The following LRRTM4 variants were observed in gnomAD, a reference collection of about 807,000 sequenced individuals.
LRRTM4 encodes leucine-rich repeat transmembrane neuronal protein 4.
In LRRTM4, 25 loss-of-function variants were observed where a neutral mutation model predicts 47.6. The observed-to-expected ratio is 0.53, with a 90% CI of 0.38 to 0.73. The LOEUF is 0.73. LRRTM4 is among the 30% of genes least tolerant of loss of function. The pLI is 0.00. For missense variants in LRRTM4, 638 were observed against 713.4 expected (o/e 0.89, Z 1.20); for synonymous variants, 311 against 269.5 (o/e 1.15, Z -1.51).
At chr2:77,408,054 A>C (rs1253980804) in intron 3 of LRRTM4, among the ~76,000 whole-genome samples, 1 of 152,136 alleles carries the variant, frequency 6.6e-6, no homozygotes, top group African/African-American at 2.4e-5. Flanking sequence ...ACACACATAC[A>C]GGAATCTCTA....
At chr2:77,470,783 C>T (rs2103992108) in intron 3 of LRRTM4, among the ~76,000 whole-genome samples, 2 of 152,284 alleles carry the variant, frequency 1.3e-5, no homozygotes, top group East Asian at 3.9e-4. Flanking sequence ...TGGACAACTG[C>T]ACCTTTCCAT....
intron 3 of LRRTM4, among the ~76,000 whole-genome samples, chr2:76,768,830 A>C (rs1673564389): frequency 6.6e-6 from 1 of 152,120 alleles, no homozygotes; most frequent in African/African-American, 2.4e-5. Flanking sequence ...CCTGCATGAA[A>C]CCGGTAAATA....
chr2:77,406,457 C>T (rs1674186643), intron 3 of LRRTM4, among the ~76,000 whole-genome samples: 1 of 151,904 alleles, frequency 6.6e-6, no homozygotes, highest in African/African-American at 2.4e-5. Context: ...GAATAGGTGA[C>T]CCCACTAATT....
intron 3 of LRRTM4, among the ~76,000 whole-genome samples, chr2:76,857,793 T>A (rs1471370141): frequency 6.6e-6 from 1 of 152,172 alleles, no homozygotes; most frequent in Non-Finnish European, 1.5e-5. Context: ...TTCCATAATA[T>A]TATGTTGATC....
intron 3 of LRRTM4, among the ~76,000 whole-genome samples, chr2:76,794,727 T>C (rs1483627027): frequency 6.6e-6 from 1 of 151,926 alleles, no homozygotes; most frequent in Non-Finnish European, 1.5e-5. Flanking sequence ...GGCTAATTCT[T>C]TGCTATGGTG....
chr2:76,916,556 G>C (rs1021579331), intron 3 of LRRTM4, among the ~76,000 whole-genome samples: 1 of 151,924 alleles, frequency 6.6e-6, no homozygotes, highest in Non-Finnish European at 1.5e-5. Flanking sequence ...AAATCAAATA[G>C]GCAATTTGCA....
chr2:77,019,054 C>T (rs1172877253), intron 3 of LRRTM4, among the ~76,000 whole-genome samples: 5 of 151,854 alleles, frequency 3.3e-5, no homozygotes, highest in Admixed American at 2.6e-4. Flanking sequence ...TCAAATCTCA[C>T]ACATTGGAAG....
intron 3 of LRRTM4, among the ~76,000 whole-genome samples, chr2:77,169,736 A>C (rs867457616): frequency 6.6e-6 from 1 of 152,178 alleles, no homozygotes; most frequent in African/African-American, 2.4e-5. Flanking sequence ...CTGGACGTCC[A>C]TCCTCCAAAA....
At chr2:77,134,060 A>G (rs1671870081) in intron 3 of LRRTM4, among the ~76,000 whole-genome samples, 1 of 152,186 alleles carries the variant, frequency 6.6e-6, no homozygotes, top group African/African-American at 2.4e-5. Context: ...TATTACATAT[A>G]AATAACACAA....
At chr2:77,115,880 T>C (rs899156500) in intron 3 of LRRTM4, among the ~76,000 whole-genome samples, 3 of 152,206 alleles carry the variant, frequency 2.0e-5, no homozygotes, top group East Asian at 3.9e-4. Context: ...GAGATCTCTA[T>C]GTAACAATCA....
chr2:77,470,847 A>C (rs1427729618), intron 3 of LRRTM4, among the ~76,000 whole-genome samples: 1 of 152,154 alleles, frequency 6.6e-6, no homozygotes, highest in Non-Finnish European at 1.5e-5. Context: ...TTCAAAAACC[A>C]TAGGAAATTT....
At chr2:76,959,264 T>C (rs562668266) in intron 3 of LRRTM4, among the ~76,000 whole-genome samples, 4 of 151,708 alleles carry the variant, frequency 2.6e-5, no homozygotes, top group African/African-American at 4.8e-5. Context: ...ATATCAATTT[T>C]AAAACAAATG....
intron 3 of LRRTM4, among the ~76,000 whole-genome samples, chr2:76,767,815 C>T (rs1311533950): frequency 1.3e-5 from 2 of 152,052 alleles, no homozygotes; most frequent in African/African-American, 4.8e-5. Flanking sequence ...TTGCAAAATG[C>T]AGGTTTGTCT....
At chr2:77,264,932 G>A (rs549589652) in intron 3 of LRRTM4, among the ~76,000 whole-genome samples, 1 of 152,076 alleles carries the variant, frequency 6.6e-6, no homozygotes, top group South Asian at 2.1e-4. Context: ...TTTTAGTGGA[G>A]TGTTTAGCAG....
chr2:77,354,926 C>T (rs1436902812), intron 3 of LRRTM4, among the ~76,000 whole-genome samples: 2 of 141,836 alleles, frequency 1.4e-5, no homozygotes, highest in Non-Finnish European at 3.1e-5. Flanking sequence ...CCTGTTTCCT[C>T]AATTGGCTTA....
rs768771415 is a variant in LRRTM4 at position 77,521,672 on chromosome 2, C to G, written c.-1G>C. ...AAACAACAAAAGTTCACTTACCCAT[C>G]CTTTGTCATCCAAAAACGTTTCCCC... On this transcript the variant is annotated 5_prime_UTR_variant, in exon 2 of 4. Coordinates refer to ENST00000409884, the MANE Select transcript of LRRTM4 (RefSeq NM_001134745.3). 1.8e-5 allele frequency: 29 copies of G among 1,612,036 alleles called. No homozygotes were observed. Among genetic ancestry groups the G allele is most frequent in the Non-Finnish European group, 2.4e-5 (28 of 1,179,086 alleles).
At chr2:77,117,448 C>G (rs1671417210) in intron 3 of LRRTM4, among the ~76,000 whole-genome samples, 1 of 151,348 alleles carries the variant, frequency 6.6e-6, no homozygotes, top group Non-Finnish European at 1.5e-5. Context: ...TTTATTATAT[C>G]TAATATCCAG....
rs187426564 is a variant in LRRTM4, at chr2:77,444,245, C to T, written c.1551+74073G>A. On this transcript the variant is annotated intron_variant, in intron 3 of 3. Transcript: ENST00000409884. ...GGATAGATACCGAATATATTGGCCACGTATGACAGATGTGGATCACATGGG... is the reference window on the plus strand; with the variant it reads ...GGATAGATACCGAATATATTGGCCATGTATGACAGATGTGGATCACATGGG... 4.9e-3 allele frequency among the ~76,000 whole-genome samples: 745 copies of T among 152,190 alleles called. 6 individuals carry two copies. The highest frequency in any genetic ancestry group is 7.8e-3 in the Non-Finnish European group (532 of 67,972).
intron 3 of LRRTM4, among the ~76,000 whole-genome samples, chr2:77,117,187 T>C (rs1671409866): frequency 6.6e-6 from 1 of 152,050 alleles, no homozygotes; most frequent in East Asian, 1.9e-4. Context: ...AATCATTCAT[T>C]AGTTGATGGA....
Sources: gnomAD v4.1 joint callset for allele counts (sites outside exome capture counted in the v4.1 genomes callset) on GRCh38, gnomAD v4.1.1 for gene constraint, MANE v1.5 for transcripts, NCBI Gene and HGNC (gene_info 2026-07-23, HGNC 2026-07-21) for gene names.